The following WDR72 variants were observed in gnomAD, a reference collection of about 807,000 sequenced individuals.
WDR72 encodes WD repeat-containing protein 72.
A neutral mutation model predicts 124.2 loss-of-function variants in WDR72; 120 were observed. The observed-to-expected ratio is 0.97, with a 90% CI of 0.83 to 1.12. The LOEUF (loss-of-function observed/expected upper bound fraction) is 1.12, where lower values mean the gene tolerates loss of function less well. WDR72 is among the 50% of genes most tolerant of loss of function. The pLI, the probability that WDR72 is intolerant of heterozygous loss-of-function variation, is 0.00. For missense variants in WDR72, 1,387 were observed against 1,278.8 expected (o/e 1.08, Z -1.29); for synonymous variants, 452 against 441.7 (o/e 1.02, Z -0.29).
intron 13 of WDR72, among the ~76,000 whole-genome samples, chr15:53,692,354 T>C (rs1401227817): frequency 6.6e-6 from 1 of 152,114 alleles, no homozygotes; most frequent in African/African-American, 2.4e-5. Flanking sequence ...TTGAGCACAA[T>C]TAGAATGGAG....
At chr15:53,719,475 G>C (rs938000516) in intron 3 of WDR72, among the ~76,000 whole-genome samples, 3 of 152,074 alleles carry the variant, frequency 2.0e-5, no homozygotes, top group African/African-American at 7.2e-5. Flanking sequence ...TATTTCTATA[G>C]GCAACTAGCT....
intron 13 of WDR72, among the ~76,000 whole-genome samples, chr15:53,675,604 T>C (rs891790175): frequency 3.9e-5 from 6 of 152,212 alleles, no homozygotes; most frequent in African/African-American, 1.4e-4. Flanking sequence ...TATTTTTAAA[T>C]TTTAAAATAT....
intron 14 of WDR72, among the ~76,000 whole-genome samples, chr15:53,652,277 G>A (rs1012966915): frequency 3.9e-5 from 6 of 152,106 alleles, no homozygotes; most frequent in East Asian, 3.9e-4. Context: ...CAAATCCTAT[G>A]AAGCTCAGTT....
At chr15:53,572,425 C>T (rs1301404236) in intron 18 of WDR72, among the ~76,000 whole-genome samples, 1 of 13,600 alleles carries the variant, frequency 7.4e-5, no homozygotes, top group Non-Finnish European at 2.5e-4. Flanking sequence ...ATTTTTTTGC[C>T]CTACCTATGA....
rs114996240 is a variant in WDR72, at chr15:53,579,189, C to T, written c.3148+17890G>A. Among the ~76,000 whole-genome samples the T allele has an allele frequency of 5.5e-3, 838 of 152,148 alleles. 7 individuals carry two copies. The highest frequency in any genetic ancestry group is 0.019 in the African/African-American group (794 of 41,516). On this transcript the variant is annotated intron_variant, in intron 18 of 19. Transcript: ENST00000360509. The stretch of plus-strand genomic sequence containing the variant: ...ATGTTTAGGTGAGCCTAACAAGAAC[C>T]CCTGACAGGCACTGCATCATTGAAG...
At chr15:53,708,456 G>A (rs1222273744) in intron 9 of WDR72, among the ~76,000 whole-genome samples, 1 of 152,146 alleles carries the variant, frequency 6.6e-6, no homozygotes, top group African/African-American at 2.4e-5. Context: ...CTGACATTTA[G>A]TCCCTATTCA....
chr15:53,629,191 C>CGAGAGAGA (rs5812700), intron 14 of WDR72, among the ~76,000 whole-genome samples: 5 of 135,720 alleles, frequency 3.7e-5, no homozygotes, highest in East Asian at 2.1e-4. Context: ...AGAGAGACAG[C>CGAGAGAGA]GAGAGAGAGA....
intron 18 of WDR72, among the ~76,000 whole-genome samples, chr15:53,529,164 A>ATTT (rs1221581823): frequency 1.3e-5 from 1 of 78,158 alleles, no homozygotes; most frequent in Admixed American, 1.4e-4. Flanking sequence ...ATATATATAT[A>ATTT]TTTTTTTTTT....
At chr15:53,543,495 G>C (rs1056830725) in intron 18 of WDR72, among the ~76,000 whole-genome samples, 25 of 151,610 alleles carry the variant, frequency 1.6e-4, no homozygotes, top group African/African-American at 5.3e-4. Context: ...ATTCAAAGCA[G>C]TGTGTAGAGG....
intron 1 of WDR72, among the ~76,000 whole-genome samples, chr15:53,758,941 C>T (rs2018991111): frequency 6.6e-6 from 1 of 152,108 alleles, no homozygotes; most frequent in African/African-American, 2.4e-5. Context: ...AGTGCATCAC[C>T]TTTTCCAGAT....
chr15:53,590,432 C>T (rs1329301433), intron 18 of WDR72, among the ~76,000 whole-genome samples: 1 of 152,044 alleles, frequency 6.6e-6, no homozygotes, highest in Non-Finnish European at 1.5e-5. Context: ...TTTGCAGAGA[C>T]TGCATATCCA....
chr15:53,615,840 C>T lies in WDR72; in HGVS notation c.2366G>A (p.Ser789Asn). The change falls in exon 15 of 20, where the codon AGT (serine) becomes AAT (asparagine). Residue 789 changes from serine to asparagine, a missense_variant. Physicochemically the swap from Ser to Asn is conservative, Grantham distance 46 (BLOSUM62 1). Coordinates refer to ENST00000360509, the MANE Select transcript of WDR72 (RefSeq NM_182758.4). ...CAATTTTGCTGTGTCTATTGTGAGA[C>T]TGGCATCTACTTTTCTTGATGGCTT... is the stretch of plus-strand genomic sequence containing the variant. The part of the protein sequence containing the change: ...QPKPSRKVDA[S>N]LTIDTAKLFL... 1 of 1,613,630 alleles carries T rather than the reference C, an allele frequency of 6.2e-7. No homozygotes were observed.
chr15:53,614,528 A>G (rs1203937083), intron 15 of WDR72, among the ~76,000 whole-genome samples: 1 of 152,086 alleles, frequency 6.6e-6, no homozygotes, highest in Non-Finnish European at 1.5e-5. Flanking sequence ...AACGTGTGAC[A>G]ACATTTGAAA....
chr15:53,710,797 A>T (rs1567042225), intron 9 of WDR72, 60 bp downstream of exon 9: 3 of 1,347,432 alleles, frequency 2.2e-6, no homozygotes, highest in Non-Finnish European at 3.2e-6. Flanking sequence ...AGACAAAGCA[A>T]CACTTATCCA....
chr15:53,633,706 TCACTC>T (rs2014517916), intron 14 of WDR72, among the ~76,000 whole-genome samples: 1 of 152,164 alleles, frequency 6.6e-6, no homozygotes, highest in Non-Finnish European at 1.5e-5. Flanking sequence ...CAGAAACAGA[TCACTC>T]AAGGGGATAA....
intron 2 of WDR72, among the ~76,000 whole-genome samples, chr15:53,725,671 A>C (rs1265682210): frequency 1.3e-5 from 2 of 152,218 alleles, no homozygotes; most frequent in Non-Finnish European, 2.9e-5. Flanking sequence ...AAAACCACTG[A>C]TGTGTATTAC....
At chr15:53,528,780 G>A (rs1017913304) in intron 18 of WDR72, among the ~76,000 whole-genome samples, 1 of 151,896 alleles carries the variant, frequency 6.6e-6, no homozygotes, top group Non-Finnish European at 1.5e-5. Flanking sequence ...AGCCAAGTTT[G>A]GGGAAGATAA....
chr15:53,626,510 TAACA>T (rs976132924), intron 14 of WDR72, among the ~76,000 whole-genome samples: 4 of 152,158 alleles, frequency 2.6e-5, no homozygotes, highest in African/African-American at 9.7e-5. Context: ...GCTCCAGCCG[TAACA>T]AACACGGACC....
At position 53,640,323 on chromosome 15, in the gene WDR72, T is replaced by C. The variant is rs189379548; in HGVS notation, c.1963-24080A>G. On this transcript the variant is annotated intron_variant, in intron 14 of 19. Coordinates refer to ENST00000360509, the MANE Select transcript of WDR72 (RefSeq NM_182758.4). ...TTGCTTTCATCAGTGGCTTCTTGTC[T>C]ACCCAGAGCTTCAGTTAGGATGCCT... Among the ~76,000 whole-genome samples the C allele has an allele frequency of 1.1e-3, 164 of 152,306 alleles. 3 individuals carry two copies. Among genetic ancestry groups the C allele is most frequent in the African/African-American group, 3.8e-3 (157 of 41,582 alleles).
Sources: allele counts gnomAD v4.1 joint callset (sites outside exome capture counted in the v4.1 genomes callset), GRCh38; gene constraint gnomAD v4.1.1; transcripts MANE v1.5; gene names NCBI Gene and HGNC (gene_info 2026-07-23, HGNC 2026-07-21).